ORAI2: variants seen among roughly 807,000 people sequenced by gnomAD.
The protein encoded by ORAI2 is protein orai-2.
ORAI2 carries 10 observed loss-of-function variants against 16.2 expected under a neutral mutation model. That is an observed-to-expected ratio of 0.62 (90% confidence interval 0.38 to 1.04). The LOEUF (loss-of-function observed/expected upper bound fraction) is 1.04. ORAI2 is among the 50% of genes least tolerant of loss of function. The probability of loss-of-function intolerance (pLI) is 0.01; values close to 1 mark genes in which losing one functional copy is unlikely to be tolerated. For synonymous variants in ORAI2, 150 were observed against 157.5 expected, an observed-to-expected ratio of 0.95 and a Z score of 0.35; for missense variants, 238 against 355.5, an observed-to-expected ratio of 0.67 and a Z score of 2.66.
chr7:102,441,912 T>C (rs1563635888), intron 3 of ORAI2, among the ~76,000 whole-genome samples: 1 of 152,112 alleles, frequency 6.6e-6, no homozygotes, highest in Non-Finnish European at 1.5e-5. Context: ...CATCAGAAAC[T>C]GTAGCTGAGT....
chr7:102,441,213 C>G (rs375561839), intron 3 of ORAI2, among the ~76,000 whole-genome samples: 1 of 151,028 alleles, frequency 6.6e-6, no homozygotes, highest in South Asian at 2.1e-4. Context: ...TTCTGTAGGC[C>G]GGAGCCTCAA....
At position 102,455,643 on chromosome 7, in the gene ORAI2, C is replaced by A. The variant is rs925506206; in HGVS notation, c.*8591C>A. 1 of 152,308 alleles carries A rather than the reference C, an allele frequency of 6.6e-6. No homozygotes were observed. The highest frequency in any genetic ancestry group is 1.5e-5 in the Non-Finnish European group (1 of 68,070). The allele number at this position is 152,308 out of a possible 1,614,324, so 9.4% of individuals were successfully genotyped here. ...AGAGTGGACCCCTGGGCTGGCTTATCTGCTCCAGTGCAGTGAGGATCAGCT... is the reference window on the plus strand; with the variant it reads ...AGAGTGGACCCCTGGGCTGGCTTATATGCTCCAGTGCAGTGAGGATCAGCT... On this transcript the variant is annotated 3_prime_UTR_variant, in exon 4 of 4. Transcript: ENST00000495936.
Position 102,446,656 on chromosome 7 carries a change from G to A in ORAI2, c.369G>A (p.Glu123=). The A allele has an allele frequency of 1.2e-6, 2 of 1,614,148 alleles. No individual in the cohort carries two copies. The highest frequency in any genetic ancestry group is 1.7e-6 in the Non-Finnish European group (2 of 1,180,030). Residue 123 remains glutamate, a synonymous_variant, in exon 4 of 4, where the codon GAG becomes GAA. Transcript: ENST00000495936. ...LISTCILPNV[E]AVSNIHNLNS... The stretch of plus-strand genomic sequence containing the variant: ...GCACCTGCATCCTGCCCAATGTGGA[G>A]GCCGTGAGCAACATCCACAACCTGA...
intron 3 of ORAI2, among the ~76,000 whole-genome samples, chr7:102,442,309 T>G (rs1797228621): frequency 6.6e-6 from 1 of 152,076 alleles, no homozygotes; most frequent in Non-Finnish European, 1.5e-5. Flanking sequence ...TCCCAGCACT[T>G]TGGGAGGCCA....
In ORAI2 at chr7:102,447,394, A is replaced by C; in HGVS notation, c.*342A>C. 1 of 265,770 alleles carries C rather than the reference A, an allele frequency of 3.8e-6. No individual in the cohort carries two copies. 16.5% of individuals were successfully genotyped at this position (265,770 alleles called of 1,614,324 possible). On this transcript the variant is annotated 3_prime_UTR_variant, in exon 4 of 4. Transcript: ENST00000495936. ...ACCCAGCGGTCCGGGGGAGTCTCAGACCCGGCATGCGTGGCTGGCAGACCT... is the reference window on the plus strand; with the variant it reads ...ACCCAGCGGTCCGGGGGAGTCTCAGCCCCGGCATGCGTGGCTGGCAGACCT...
At chr7:102,439,981 C>T (rs1337195681) in intron 3 of ORAI2, among the ~76,000 whole-genome samples, 2 of 152,108 alleles carry the variant, frequency 1.3e-5, no homozygotes, top group Non-Finnish European at 1.5e-5. Flanking sequence ...ACTTGGGAGG[C>T]TGAGACACAA....
chr7:102,439,342 C>T (rs889493418), intron 3 of ORAI2, among the ~76,000 whole-genome samples, 161 bp downstream of exon 3: 3 of 152,228 alleles, frequency 2.0e-5, no homozygotes, highest in Non-Finnish European at 4.4e-5. Flanking sequence ...AAGAGGACGA[C>T]TCTATCAGTG....
In ORAI2 at chr7:102,452,662, G is replaced by T; in HGVS notation, c.*5610G>T. 6.7e-6 allele frequency: 1 copy of T among 150,140 alleles called. No homozygotes were observed. The allele number at this position is 150,140 out of a possible 1,614,324, so 9.3% of individuals were successfully genotyped here. On this transcript the variant is annotated 3_prime_UTR_variant, in exon 4 of 4. Transcript: ENST00000495936. ...TTGCTATGTTGCCCAGTCTGGTCTT[G>T]AACTTCTGGCCTCAAGCGACCCTCC...
Position 102,447,906 on chromosome 7 carries a change from CTGGCCTCCAGCTCTCGGCCACAGAA to C in ORAI2, c.*862_*886del, listed in dbSNP as rs1232691876. 2.0e-5 allele frequency: 3 copies of C among 152,390 alleles called. No individual in the cohort carries two copies. Among genetic ancestry groups the C allele is most frequent in the Non-Finnish European group, 4.4e-5 (3 of 68,154 alleles). 9.4% of individuals were successfully genotyped at this position (152,390 alleles called of 1,614,324 possible). On this transcript the variant is annotated 3_prime_UTR_variant, in exon 4 of 4. Coordinates refer to ENST00000495936, the MANE Select transcript of ORAI2 (RefSeq NM_001126340.3). ...ACCCCTCCCCCACCCCCCGCAGCCACTGGCCTCCAGCTCTCGGCCACAGAATGGCCTCTAAGGCTGACTCAGCCAC... is the reference window on the plus strand; with the variant it reads ...ACCCCTCCCCCACCCCCCGCAGCCACTGGCCTCTAAGGCTGACTCAGCCAC...
intron 2 of ORAI2, among the ~76,000 whole-genome samples, 189 bp from the exon 3 acceptor site, chr7:102,438,755 A>G (rs1797121867): frequency 6.6e-6 from 1 of 152,242 alleles, no homozygotes; most frequent in African/African-American, 2.4e-5. Context: ...CCTGGACGAC[A>G]GAGTGAGACA....
intron 3 of ORAI2, among the ~76,000 whole-genome samples, chr7:102,445,297 G>GTT (rs112045195): frequency 3.7e-5 from 5 of 134,360 alleles, no homozygotes; most frequent in East Asian, 2.1e-4. Context: ...TCCGTTTTTT[G>GTT]TTTTTTTTTT....
At chr7:102,435,877 C>A (rs188861919) in intron 1 of ORAI2, among the ~76,000 whole-genome samples, 29 of 152,230 alleles carry the variant, frequency 1.9e-4, no homozygotes, top group Middle Eastern at 3.4e-3. Context: ...TCTAGTGATC[C>A]GCCCACCTCA....
At chr7:102,446,314 G>A (rs2133234014) in intron 3 of ORAI2, among the ~76,000 whole-genome samples, 199 bp from the exon 4 acceptor site, 1 of 152,358 alleles carries the variant, frequency 6.6e-6, no homozygotes, top group South Asian at 2.1e-4. Context: ...AAAGGAAAAT[G>A]TGAAACATTT....
At chr7:102,434,287 C>G (rs567271006) in intron 1 of ORAI2, among the ~76,000 whole-genome samples, 3 of 152,026 alleles carry the variant, frequency 2.0e-5, no homozygotes, top group Non-Finnish European at 4.4e-5. Context: ...CCTGGGCCAC[C>G]GGGCCTGGCA....
chr7:102,445,253 G>C (rs957572273), intron 3 of ORAI2, among the ~76,000 whole-genome samples: 1 of 112,664 alleles, frequency 8.9e-6, no homozygotes, highest in African/African-American at 4.2e-5. Flanking sequence ...GGGACTCTCC[G>C]CACTTTCAGT....
At position 102,450,310 on chromosome 7, in the gene ORAI2, A is replaced by G. The variant is rs564740153; in HGVS notation, c.*3258A>G. The G allele has an allele frequency of 2.6e-5, 4 of 152,312 alleles. No individual in the cohort carries two copies. Among genetic ancestry groups the G allele is most frequent in the Non-Finnish European group, 5.9e-5 (4 of 68,054 alleles). 9.4% of individuals were successfully genotyped at this position (152,312 alleles called of 1,614,324 possible). A position where few individuals can be genotyped will look rare whatever the true frequency, so the allele number is the denominator to read the frequency against. ...GGCTCTCCTAAACAAACGGCTCCCC[A>G]CGGCTGGGAGAGGCAGCAGGCCCTT... On this transcript the variant is annotated 3_prime_UTR_variant, in exon 4 of 4. Coordinates refer to ENST00000495936, the MANE Select transcript of ORAI2 (RefSeq NM_001126340.3).
chr7:102,453,663 CCT>C lies in ORAI2; in HGVS notation c.*6612_*6613del, dbSNP rs1197858520. Reference sequence around the variant, plus strand: ...CCTTAAAGGGAAAATCTGCCCCACCCCTGTCAAGGGCAGGACACAAGTCACTG... The same window carrying C: ...CCTTAAAGGGAAAATCTGCCCCACCCGTCAAGGGCAGGACACAAGTCACTG... On this transcript the variant is annotated 3_prime_UTR_variant, in exon 4 of 4. Coordinates refer to ENST00000495936, the MANE Select transcript of ORAI2 (RefSeq NM_001126340.3). 6.6e-6 allele frequency: 1 copy of C among 152,214 alleles called. No individual in the cohort carries two copies. Among genetic ancestry groups the C allele is most frequent in the African/African-American group, 2.4e-5 (1 of 41,460 alleles). The allele number at this position is 152,214 out of a possible 1,614,324, so 9.4% of individuals were successfully genotyped here. A position where few individuals can be genotyped will look rare whatever the true frequency, so the allele number is the denominator to read the frequency against.
chr7:102,446,474 C>T (rs753772639), intron 3 of ORAI2, 39 bp from the exon 4 acceptor site: 10 of 1,567,986 alleles, frequency 6.4e-6, no homozygotes, highest in African/African-American at 5.4e-5. Context: ...ATACCTTGCC[C>T]TCTCCACACC....
Position 102,446,785 on chromosome 7 carries a change from G to C in ORAI2, c.498G>C (p.Val166=). 1.2e-6 allele frequency: 2 copies of C among 1,614,166 alleles called. No individual in the cohort carries two copies. Among genetic ancestry groups the C allele is most frequent in the Non-Finnish European group, 1.7e-6 (2 of 1,180,048 alleles). ...LGILLFLAEV[V]LLCWIKFLPV... The stretch of plus-strand genomic sequence containing the variant: ...TCCTACTCTTCCTGGCCGAGGTGGT[G>C]CTGCTCTGCTGGATCAAGTTCCTCC... Residue 166 remains valine, a synonymous_variant, in exon 4 of 4, where the codon GTG becomes GTC. Transcript: ENST00000495936.
Sources: gnomAD v4.1 joint callset for allele counts (sites outside exome capture counted in the v4.1 genomes callset) on GRCh38, gnomAD v4.1.1 for gene constraint, MANE v1.5 for transcripts, NCBI Gene and HGNC (gene_info 2026-07-23, HGNC 2026-07-21) for gene names.